The following LOC400499 variants were observed in gnomAD, a reference collection of about 807,000 sequenced individuals.
the LOC400499 span, chr16:11,521,890 G>A: frequency 5.0e-6 from 2 of 398,930 alleles, no homozygotes; most frequent in Non-Finnish European, 8.8e-6. Flanking sequence ...GTAAGGGGCT[G>A]TGGCTTCCTC....
At chr16:11,491,858 G>C in the LOC400499 span, 6 of 398,816 alleles carry the variant, frequency 1.5e-5, no homozygotes, top group Non-Finnish European at 2.7e-5. Flanking sequence ...GGCTTGGGCA[G>C]AAGGAAAGCC....
chr16:11,457,006 A>T, the LOC400499 span: 3 of 1,534,520 alleles, frequency 2.0e-6, no homozygotes, highest in South Asian at 3.6e-5. Context: ...TGCACGCGGC[A>T]ATCCACCTGC....
At chr16:11,383,760 G>A in the LOC400499 span, 4 of 1,232,338 alleles carry the variant, frequency 3.2e-6, no homozygotes, top group Non-Finnish European at 4.0e-6. Context: ...GCACACACAG[G>A]CTGAGGAATG....
the LOC400499 span, chr16:11,477,011 C>T: frequency 2.5e-6 from 1 of 399,952 alleles, no homozygotes. Flanking sequence ...CACCTGCGAC[C>T]CCCAGCAGCC....
chr16:11,396,404 A>AG, the LOC400499 span: 1 of 1,068,476 alleles, frequency 9.4e-7, no homozygotes, highest in Non-Finnish European at 1.2e-6. Context: ...GATAGCCACT[A>AG]GATGGCGGGG....
the LOC400499 span, among the ~76,000 whole-genome samples, chr16:11,490,459 G>A: frequency 3.3e-5 from 5 of 151,718 alleles, no homozygotes; most frequent in African/African-American, 1.2e-4. Context: ...CAGCACTTTG[G>A]GAGGCTGAGG....
the LOC400499 span, among the ~76,000 whole-genome samples, chr16:11,507,761 G>C: frequency 6.6e-6 from 1 of 151,984 alleles, no homozygotes; most frequent in Non-Finnish European, 1.5e-5. Context: ...GCAAAACCCC[G>C]TCTCTACAAA....
the LOC400499 span, among the ~76,000 whole-genome samples, chr16:11,461,684 C>T: frequency 6.6e-6 from 1 of 152,196 alleles, no homozygotes; most frequent in Non-Finnish European, 1.5e-5. Flanking sequence ...GACTCCCAGA[C>T]ACCCACATCG....
the LOC400499 span, among the ~76,000 whole-genome samples, chr16:11,449,341 T>C: frequency 6.6e-6 from 1 of 152,160 alleles, no homozygotes; most frequent in East Asian, 1.9e-4. Context: ...CAGAAATAAT[T>C]TCCTTTTCTC....
chr16:11,505,535 C>G, the LOC400499 span, among the ~76,000 whole-genome samples: 2 of 143,016 alleles, frequency 1.4e-5, no homozygotes, highest in Admixed American at 7.2e-5. Context: ...CTCACTGTAG[C>G]CTTAACCTCC....
chr16:11,401,495 T>C, the LOC400499 span: 1 of 398,736 alleles, frequency 2.5e-6, no homozygotes, highest in African/African-American at 2.1e-5. Context: ...TCCATCGAGG[T>C]CAAGGCTGCA....
At chr16:11,487,132 T>A in the LOC400499 span, 164 of 396,794 alleles carry the variant, frequency 4.1e-4, no homozygotes, top group Non-Finnish European at 5.1e-4. Context: ...GGTGGGTGAC[T>A]AGATATTAGG....
chr16:11,377,516 G>T, the LOC400499 span, among the ~76,000 whole-genome samples: 1 of 152,282 alleles, frequency 6.6e-6, no homozygotes. Context: ...TTTTAATCAC[G>T]AAAGGGTATT....
At chr16:11,428,567 G>C in the LOC400499 span, among the ~76,000 whole-genome samples, 3 of 152,188 alleles carry the variant, frequency 2.0e-5, no homozygotes, top group Admixed American at 6.5e-5. Flanking sequence ...GTAGTAATGA[G>C]AACGAACAGA....
At chr16:11,404,581 G>A in the LOC400499 span, 35 of 394,326 alleles carry the variant, frequency 8.9e-5, no homozygotes, top group East Asian at 4.7e-4. Context: ...TCCTGACCTC[G>A]AGTGATCTAC....
chr16:11,411,730 C>T, the LOC400499 span, among the ~76,000 whole-genome samples: 1 of 152,108 alleles, frequency 6.6e-6, no homozygotes, highest in Non-Finnish European at 1.5e-5. Flanking sequence ...CATGGGAGTC[C>T]CAGCAGGGTC....
the LOC400499 span, among the ~76,000 whole-genome samples, chr16:11,389,442 G>A: frequency 6.6e-6 from 1 of 152,126 alleles, no homozygotes; most frequent in African/African-American, 2.4e-5. Flanking sequence ...AACACTTTGG[G>A]AGGCCAAGGC....
At chr16:11,396,097 C>T in the LOC400499 span, among the ~76,000 whole-genome samples, 107 of 152,228 alleles carry the variant, frequency 7.0e-4, no homozygotes, top group Non-Finnish European at 9.0e-4. Flanking sequence ...CTGCTCTAAG[C>T]GATCTATGCC....
chr16:11,420,711 G>A, the LOC400499 span, among the ~76,000 whole-genome samples: 3 of 151,242 alleles, frequency 2.0e-5, no homozygotes, highest in African/African-American at 4.9e-5. Context: ...CGGGGAGAGG[G>A]CACCCTGGTC....
Sources: gnomAD v4.1 joint callset for allele counts (sites outside exome capture counted in the v4.1 genomes callset) on GRCh38, gnomAD v4.1.1 for gene constraint, MANE v1.5 for transcripts.